PLXNA2: variants seen among roughly 807,000 people sequenced by gnomAD.
PLXNA2 encodes plexin A2, also known as plexin-A2.
PLXNA2 carries 91 observed loss-of-function variants against 193.5 expected under a neutral mutation model. The observed-to-expected ratio is 0.47, with a 90% confidence interval of 0.40 to 0.56. PLXNA2 has a LOEUF of 0.56. Ranked by LOEUF, PLXNA2 falls within the 20% of genes least tolerant of loss-of-function variation. PLXNA2 has a pLI of 0.00. For synonymous variants in PLXNA2, 997 were observed against 1,027.3 expected, an observed-to-expected ratio of 0.97 and a Z score of 0.56; for missense variants, 1,995 against 2,503.2, an observed-to-expected ratio of 0.80 and a Z score of 4.33.
intron 4 of PLXNA2, among the ~76,000 whole-genome samples, chr1:208,141,646 G>A (rs916577149): frequency 1.3e-5 from 2 of 152,092 alleles, no homozygotes; most frequent in African/African-American, 2.4e-5. Flanking sequence ...GGTCTCTGTC[G>A]ATCTCATGAA....
chr1:208,180,690 A>G (rs1316077680), intron 3 of PLXNA2, among the ~76,000 whole-genome samples: 1 of 152,256 alleles, frequency 6.6e-6, no homozygotes, highest in Non-Finnish European at 1.5e-5. Context: ...AACTTTACAC[A>G]GCTAGCAAGG....
Position 208,033,748 on chromosome 1 carries a change from A to G in PLXNA2, c.4865-239T>C, listed in dbSNP as rs183244101. On this transcript the variant is annotated intron_variant, in intron 27 of 31. Coordinates refer to ENST00000367033, the MANE Select transcript of PLXNA2 (RefSeq NM_025179.4). ...TTTATAAATTTTGTGAATTAGAGAC[A>G]TCCTTGGGAATTTGGGAGTCCCCTC... Among the ~76,000 whole-genome samples the G allele has an allele frequency of 1.1e-3, 165 of 152,346 alleles. No individual in the cohort carries two copies. The Middle Eastern group carries it at 0.024, about 22-fold the overall frequency.
intron 2 of PLXNA2, among the ~76,000 whole-genome samples, chr1:208,213,949 C>T (rs1010423427): frequency 1.3e-5 from 2 of 152,212 alleles, no homozygotes; most frequent in Non-Finnish European, 2.9e-5. Flanking sequence ...AGAGTGTCAT[C>T]TTCCTCTTTC....
rs1008398501 is a variant in PLXNA2, at chr1:208,044,377, G to A, written c.3874+131C>T. 2.2e-5 allele frequency: 15 copies of A among 677,758 alleles called. No individual in the cohort carries two copies. The African/African-American group carries it at 2.7e-4, about 12-fold the overall frequency. The allele number at this position is 677,758 out of a possible 1,614,324, so 42.0% of individuals were successfully genotyped here. ...AAGCAAAAGAAGTTCTGGGAAAACA[G>A]GGGTGAAAGTGGAATGCAGAGGCAT... is the stretch of plus-strand genomic sequence containing the variant. On this transcript the variant is annotated intron_variant, in intron 20 of 31. Coordinates refer to ENST00000367033, the MANE Select transcript of PLXNA2 (RefSeq NM_025179.4). This position sits in a 1 kb window ranked among gnomAD's most constrained non-coding sequence, Gnocchi z 4.9.
rs1219234995 is a variant in PLXNA2, at chr1:208,038,733, C to T, written c.4660+92G>A. Reference sequence around the variant, plus strand: ...ACACGGGCCTCAGCTGGCCAGGACACAGTCATGCCCCTGCAAGGGTTGTGT... The same window carrying T: ...ACACGGGCCTCAGCTGGCCAGGACATAGTCATGCCCCTGCAAGGGTTGTGT... On this transcript the variant is annotated intron_variant, in intron 25 of 31. Transcript: ENST00000367033. The surrounding 1 kb of genome is among the most constrained non-coding windows in gnomAD (Gnocchi z 4.1). The T allele has an allele frequency of 7.4e-7, 1 of 1,350,214 alleles. No homozygotes were observed. The highest frequency in any genetic ancestry group is 1.0e-6 in the Non-Finnish European group (1 of 959,508). The allele number at this position is 1,350,214 out of a possible 1,614,324, so 83.6% of individuals were successfully genotyped here. A position where few individuals can be genotyped will look rare whatever the true frequency, so the allele number is the denominator to read the frequency against.
chr1:208,169,166 C>T (rs936734294), intron 3 of PLXNA2, among the ~76,000 whole-genome samples: 3 of 152,124 alleles, frequency 2.0e-5, no homozygotes, highest in African/African-American at 2.4e-5. Flanking sequence ...GCACTGAGCT[C>T]CTCTGTGTGC....
chr1:208,043,569 C>G (rs1239246320), intron 20 of PLXNA2, among the ~76,000 whole-genome samples: 2 of 152,182 alleles, frequency 1.3e-5, no homozygotes, highest in African/African-American at 2.4e-5. Flanking sequence ...CCAGAACAGG[C>G]AAAGTGCTGC....
intron 2 of PLXNA2, among the ~76,000 whole-genome samples, chr1:208,211,298 T>C (rs1490891674): frequency 6.6e-6 from 1 of 152,222 alleles, no homozygotes; most frequent in African/African-American, 2.4e-5. Flanking sequence ...GGTGGTGTCC[T>C]TCATATTTCC....
intron 3 of PLXNA2, among the ~76,000 whole-genome samples, chr1:208,156,953 C>T (rs927195247): frequency 2.0e-5 from 3 of 152,166 alleles, no homozygotes; most frequent in Admixed American, 6.5e-5. Context: ...AATAACACAT[C>T]GAATGCTGCT....
chr1:208,228,296 G>A (rs1671573972), intron 1 of PLXNA2, among the ~76,000 whole-genome samples: 1 of 152,168 alleles, frequency 6.6e-6, no homozygotes. Flanking sequence ...GTGGCCATTA[G>A]TGCCAGATGA....
intron 18 of PLXNA2, 136 bp downstream of exon 18, chr1:208,045,742 T>C: frequency 9.4e-7 from 1 of 1,064,098 alleles, no homozygotes; most frequent in Non-Finnish European, 1.4e-6. Context: ...GAGCTCCTTC[T>C]GTAGGAAGGA....
intron 1 of PLXNA2, among the ~76,000 whole-genome samples, chr1:208,218,251 T>G (rs111360754): frequency 6.6e-6 from 1 of 152,210 alleles, no homozygotes; most frequent in Non-Finnish European, 1.5e-5. Flanking sequence ...ACAAAGCATC[T>G]CTATTTCTGG....
rs545714820 is a variant in PLXNA2, at chr1:208,056,410, G to A, written c.2739-1872C>T. On this transcript the variant is annotated intron_variant, in intron 13 of 31. Coordinates refer to ENST00000367033, the MANE Select transcript of PLXNA2 (RefSeq NM_025179.4). Reference sequence around the variant, plus strand: ...AGGAAGAAATCATCACAGGCTTGAAGTTAAGGAAAAAAGAAAAAAGAGAAC... The same window carrying A: ...AGGAAGAAATCATCACAGGCTTGAAATTAAGGAAAAAAGAAAAAAGAGAAC... 2.6e-5 allele frequency among the ~76,000 whole-genome samples: 4 copies of A among 152,312 alleles called. No homozygotes were observed. The South Asian group carries it at 6.2e-4, about 24-fold the overall frequency.
intron 3 of PLXNA2, among the ~76,000 whole-genome samples, chr1:208,163,124 G>A (rs1302207823): frequency 6.6e-6 from 1 of 152,134 alleles, no homozygotes; most frequent in Non-Finnish European, 1.5e-5. Context: ...GGGCACTTAG[G>A]GAAGAGGGAG....
chr1:208,139,731 G>C (rs1016460819), intron 4 of PLXNA2, among the ~76,000 whole-genome samples: 2 of 152,214 alleles, frequency 1.3e-5, no homozygotes, highest in Non-Finnish European at 2.9e-5. Flanking sequence ...ACTTCATTTT[G>C]ACAGATTATT....
chr1:208,102,505 A>T lies in PLXNA2; in HGVS notation c.1607+642T>A, dbSNP rs138700457. ...ATGAGGCCAGTTGAAGTGAGATGTG[A>T]ACTTCTTAGAATCATAAAATAATGA... is the stretch of plus-strand genomic sequence containing the variant. On this transcript the variant is annotated intron_variant, in intron 5 of 31. Transcript: ENST00000367033. 3.2e-4 allele frequency among the ~76,000 whole-genome samples: 48 copies of T among 152,340 alleles called. 1 individual carries two copies. The highest frequency in any genetic ancestry group is 1.1e-3 in the African/African-American group (45 of 41,574).
At chr1:208,056,747 A>G (rs1269139615) in intron 13 of PLXNA2, among the ~76,000 whole-genome samples, 4 of 152,162 alleles carry the variant, frequency 2.6e-5, no homozygotes, top group Non-Finnish European at 4.4e-5. Context: ...CTGGGGAGAA[A>G]TCAGAGCTGG....
intron 4 of PLXNA2, among the ~76,000 whole-genome samples, chr1:208,111,497 C>T (rs540029609): frequency 7.9e-5 from 12 of 152,270 alleles, no homozygotes; most frequent in South Asian, 2.1e-4. Context: ...GGGTAGTGGC[C>T]GCAGCAGAAG....
chr1:208,243,507 C>T (rs1330327299), intron 1 of PLXNA2, 136 bp downstream of exon 1: 2 of 152,076 alleles, frequency 1.3e-5, no homozygotes, highest in Non-Finnish European at 2.9e-5. Flanking sequence ...ACTCGCCCGC[C>T]GCGGCCAAGC....
Sources: allele counts gnomAD v4.1 joint callset (sites outside exome capture counted in the v4.1 genomes callset), GRCh38; gene constraint gnomAD v4.1.1; non-coding constraint Gnocchi (gnomAD v3.1); transcripts MANE v1.5; gene names NCBI Gene and HGNC (gene_info 2026-07-23, HGNC 2026-07-21).